Variants in RAB11FIP1 observed in about 807,000 individuals in gnomAD.
RAB11FIP1 encodes the protein RAB11 family interacting protein 1.
RAB11FIP1 carries 49 observed loss-of-function variants against 83.1 expected under a neutral mutation model. That is an observed-to-expected ratio of 0.59 (90% CI 0.47 to 0.75). The LOEUF (loss-of-function observed/expected upper bound fraction) is 0.75, where lower values mean the gene tolerates loss of function less well. Among genes scored for constraint, RAB11FIP1 ranks in the 30% least tolerant of loss-of-function variants. The pLI is 0.00. For missense variants in RAB11FIP1, 1,536 were observed against 1,598.7 expected, an observed-to-expected ratio of 0.96 and a Z score of 0.67; for synonymous variants, 670 against 656.0, an observed-to-expected ratio of 1.02 and a Z score of -0.33.
At position 37,872,893 on chromosome 8, in the gene RAB11FIP1, G is replaced by C; in HGVS notation, c.1909C>G (p.Gln637Glu). 1 of 1,614,238 alleles carries C rather than the reference G, an allele frequency of 6.2e-7. No individual in the cohort carries two copies. The highest frequency in any genetic ancestry group is 8.5e-7 in the Non-Finnish European group (1 of 1,180,046). ...GPPLLPKAEL[Q>E]TESLTPVPNS... ...GGAACCGGTGTTAAACTCTCAGTTT[G>C]CAACTCTGCCTTAGGGAGCAAGGGT... The change falls in exon 4 of 6, where the codon CAA (glutamine) becomes GAA (glutamate). Residue 637 changes from glutamine to glutamate, a missense_variant. Transcript: ENST00000330843.
intron 1 of RAB11FIP1, among the ~76,000 whole-genome samples, chr8:37,884,481 A>G (rs1436678541): frequency 6.6e-6 from 1 of 152,064 alleles, no homozygotes; most frequent in East Asian, 1.9e-4. Flanking sequence ...TCAAAGTTCT[A>G]GGCTCAAGCC....
At chr8:37,863,570 A>G (rs367861230) in intron 5 of RAB11FIP1, among the ~76,000 whole-genome samples, 1 of 152,168 alleles carries the variant, frequency 6.6e-6, no homozygotes, top group African/African-American at 2.4e-5. Flanking sequence ...TTCAATTTAC[A>G]GTGAAAACAG....
At position 37,885,263 on chromosome 8, in the gene RAB11FIP1, G is replaced by A. The variant is rs142929844; in HGVS notation, c.372-7712C>T. On this transcript the variant is annotated intron_variant, in intron 1 of 5. Transcript: ENST00000330843. ...GTCCACCTTGGCCTCCCAAAGTGCT[G>A]GGATTACAGGTGTGAGCCAGAAGGC... Among the ~76,000 whole-genome samples the A allele has an allele frequency of 3.1e-3, 475 of 152,268 alleles. 2 individuals are homozygous for A. The highest frequency in any genetic ancestry group is 0.011 in the African/African-American group (463 of 41,562).
rs1034734165 is a variant in RAB11FIP1 at position 37,869,126 on chromosome 8, G to A, written c.3633+1294C>T. 2.0e-5 allele frequency among the ~76,000 whole-genome samples: 3 copies of A among 151,466 alleles called. 1 individual carries two copies. The highest frequency in any genetic ancestry group is 2.0e-4 in the Admixed American group (3 of 15,164). On this transcript the variant is annotated intron_variant, in intron 5 of 5. Coordinates refer to ENST00000330843, the MANE Select transcript of RAB11FIP1 (RefSeq NM_001002814.3). ...GCCTGTAGTCCCAGCTACTTGGGAGGCTGAGGTGAGAGGATTGATTGGGCC... is the reference window on the plus strand; with the variant it reads ...GCCTGTAGTCCCAGCTACTTGGGAGACTGAGGTGAGAGGATTGATTGGGCC...
chr8:37,879,264 T>G (rs1362679724), intron 1 of RAB11FIP1, among the ~76,000 whole-genome samples: 1 of 151,324 alleles, frequency 6.6e-6, no homozygotes, highest in African/African-American at 2.4e-5. Flanking sequence ...GCCAAGATCA[T>G]GCCACTGCAC....
intron 1 of RAB11FIP1, among the ~76,000 whole-genome samples, chr8:37,897,008 G>T (rs1807102348): frequency 6.6e-6 from 1 of 152,116 alleles, no homozygotes; most frequent in Non-Finnish European, 1.5e-5. Context: ...ATGGCCAACA[G>T]CACCCATTTG....
chr8:37,863,083 ATGCAAATG>A lies in RAB11FIP1; in HGVS notation c.3656_3663del (p.Ala1219ValfsTer8), dbSNP rs1442797425. 6.2e-7 allele frequency: 1 copy of A among 1,612,590 alleles called. No individual in the cohort carries two copies. The highest frequency in any genetic ancestry group is 2.2e-5 in the East Asian group (1 of 44,854). On this transcript the variant is annotated frameshift_variant, in exon 6 of 6. Coordinates refer to ENST00000330843, the MANE Select transcript of RAB11FIP1 (RefSeq NM_001002814.3). LOFTEE classifies it high-confidence loss of function. ...AGCTCATCGTGGGTCAGCTGCGCAT[ATGCAAATG>A]CAGGGTCCGAGGGGCTGTATTTCTT...
intron 2 of RAB11FIP1, among the ~76,000 whole-genome samples, chr8:37,876,210 AAAGAAAGG>A (rs1345773845): frequency 1.2e-4 from 16 of 129,688 alleles, no homozygotes; most frequent in East Asian, 6.6e-4. Flanking sequence ...AAAAGAAAAG[AAAGAAAGG>A]AAGGAAGGAA....
chr8:37,896,346 T>TC (rs1807091079), intron 1 of RAB11FIP1, among the ~76,000 whole-genome samples: 1 of 152,020 alleles, frequency 6.6e-6, no homozygotes, highest in African/African-American at 2.4e-5. Flanking sequence ...ATGCATATCT[T>TC]ATTCTTTAAA....
intron 1 of RAB11FIP1, among the ~76,000 whole-genome samples, chr8:37,887,516 G>A (rs955371927): frequency 6.7e-6 from 1 of 148,914 alleles, no homozygotes; most frequent in South Asian, 2.1e-4. Flanking sequence ...GGGTGGCAGA[G>A]TGAGACGCCA....
At chr8:37,873,476 T>G (rs965412200) in intron 3 of RAB11FIP1, among the ~76,000 whole-genome samples, 1 of 152,042 alleles carries the variant, frequency 6.6e-6, no homozygotes, top group South Asian at 2.1e-4. Flanking sequence ...TGTGGTGGTG[T>G]GCACCTGTAG....
chr8:37,873,603 C>CA (rs561503400), intron 3 of RAB11FIP1, among the ~76,000 whole-genome samples: 116 of 138,988 alleles, frequency 8.3e-4, no homozygotes, highest in South Asian at 4.3e-3. Flanking sequence ...GAGACTGTCT[C>CA]AAAAAAAAAA....
Position 37,859,085 on chromosome 8 carries a change from G to A in RAB11FIP1, c.*3810C>T, listed in dbSNP as rs567410720. ...ATTCTATAATCCAAAAACGTTGGGC[G>A]ATCCTTCAGTTGGAGGAAGAGGGCG... On this transcript the variant is annotated 3_prime_UTR_variant, in exon 6 of 6. Coordinates refer to ENST00000330843, the MANE Select transcript of RAB11FIP1 (RefSeq NM_001002814.3). 1 of 152,170 alleles carries A rather than the reference G, an allele frequency of 6.6e-6. No homozygotes were observed. Among genetic ancestry groups the A allele is most frequent in the African/African-American group, 2.4e-5 (1 of 41,430 alleles). 9.4% of individuals were successfully genotyped at this position (152,170 alleles called of 1,614,324 possible).
chr8:37,870,222 A>T (rs1806423411), intron 5 of RAB11FIP1, among the ~76,000 whole-genome samples, 198 bp downstream of exon 5: 1 of 152,190 alleles, frequency 6.6e-6, no homozygotes. Context: ...AATTAACAAT[A>T]ACTAAACAAG....
intron 1 of RAB11FIP1, among the ~76,000 whole-genome samples, chr8:37,892,870 G>GGCT (rs1310898454): frequency 6.6e-6 from 1 of 152,034 alleles, no homozygotes; most frequent in African/African-American, 2.4e-5. Context: ...CCTTTGCACA[G>GGCT]GCTGCTACTC....
chr8:37,869,524 G>A (rs903378790), intron 5 of RAB11FIP1, among the ~76,000 whole-genome samples: 1 of 152,062 alleles, frequency 6.6e-6, no homozygotes, highest in African/African-American at 2.4e-5. Flanking sequence ...CCCAGGAGGG[G>A]GAGGTTGCAG....
At chr8:37,895,261 T>TA (rs1563376642) in intron 1 of RAB11FIP1, among the ~76,000 whole-genome samples, 54 of 6,774 alleles carry the variant, frequency 8.0e-3, no homozygotes, top group Non-Finnish European at 9.0e-3. Flanking sequence ...ATATATATAT[T>TA]TTTTTTTTTT....
intron 3 of RAB11FIP1, among the ~76,000 whole-genome samples, chr8:37,873,871 A>G (rs75200755): frequency 2.7e-5 from 4 of 149,574 alleles, no homozygotes; most frequent in South Asian, 2.1e-4. Flanking sequence ...GTGTGTGTAT[A>G]TGTGTGTGTG....
Position 37,899,450 on chromosome 8 carries a change from T to C in RAB11FIP1, c.-9A>G. The C allele has an allele frequency of 2.0e-6, 3 of 1,534,276 alleles. No individual in the cohort carries two copies. The highest frequency in any genetic ancestry group is 2.6e-6 in the Non-Finnish European group (3 of 1,144,758). Reference sequence around the variant, plus strand: ...GAGACCATTAGGGACATGGTGACGATAACACTCCAGAAGCGAGGAGAAGAT... The same window carrying C: ...GAGACCATTAGGGACATGGTGACGACAACACTCCAGAAGCGAGGAGAAGAT... On this transcript the variant is annotated 5_prime_UTR_variant, in exon 1 of 6. Coordinates refer to ENST00000330843, the MANE Select transcript of RAB11FIP1 (RefSeq NM_001002814.3). The surrounding 1 kb of genome is among the most constrained non-coding windows in gnomAD (Gnocchi z 4.5).
Sources: gnomAD v4.1 joint callset for allele counts (sites outside exome capture counted in the v4.1 genomes callset) on GRCh38, gnomAD v4.1.1 for gene constraint, Gnocchi (gnomAD v3.1) non-coding constraint, MANE v1.5 for transcripts, NCBI Gene and HGNC (gene_info 2026-07-23, HGNC 2026-07-21) for gene names.